PA2G4: variants seen among roughly 807,000 people sequenced by gnomAD.
PA2G4 encodes the protein proliferation-associated 2G4, also known as proliferation-associated protein 2G4.
In PA2G4, 8 loss-of-function variants were observed where a neutral mutation model predicts 53.3. The ratio of observed to expected loss-of-function variants is 0.15; its 90% CI spans 0.09 to 0.27. The LOEUF (loss-of-function observed/expected upper bound fraction) is 0.27, where lower values mean the gene tolerates loss of function less well. Ranked by LOEUF, PA2G4 falls within the 10% of genes least tolerant of loss-of-function variation. PA2G4 has a pLI of 1.00. For synonymous variants in PA2G4, 143 were observed against 169.8 expected (o/e 0.84, Z 1.23); for missense variants, 208 against 486.8 (o/e 0.43, Z 5.39).
At position 56,107,238 on chromosome 12, in the gene PA2G4, T is replaced by C. The variant is rs754128407; in HGVS notation, c.375T>C (p.Phe125=). ...DGFIANVAHT[F]VVDVAQGTQV... ...TCATCGCTAATGTAGCTCACACTTT[T>C]GTGGTTGATGTAGCTCAGGTAGGTG... is the stretch of plus-strand genomic sequence containing the variant. The change falls in exon 4 of 13, where the codon TTT becomes TTC. Residue 125 remains phenylalanine (F), a synonymous_variant. Transcript: ENST00000303305. 9.9e-6 allele frequency: 16 copies of C among 1,613,042 alleles called. No individual in the cohort carries two copies. The Admixed American group carries it at 1.3e-4, about 13-fold the overall frequency.
chr12:56,107,195 G>C lies in PA2G4; in HGVS notation c.332G>C (p.Gly111Ala). 1 of 1,613,682 alleles carries C rather than the reference G, an allele frequency of 6.2e-7. No homozygotes were observed. The highest frequency in any genetic ancestry group is 8.5e-7 in the Non-Finnish European group (1 of 1,179,692). The change falls in exon 4 of 13, where the codon GGG (glycine) becomes GCG (alanine). Residue 111 changes from glycine (G) to alanine (A), a missense_variant. Coordinates refer to ENST00000303305, the MANE Select transcript of PA2G4 (RefSeq NM_006191.3). ...CTGATCTTGCCTTTCAGTGACCTTG[G>C]GGTCCATGTGGATGGCTTCATCGCT... The part of the protein sequence containing the change: ...KEGDLVKIDL[G>A]VHVDGFIANV...
chr12:56,112,078 C>T (rs983591771), intron 12 of PA2G4, among the ~76,000 whole-genome samples: 7 of 152,118 alleles, frequency 4.6e-5, no homozygotes, highest in Admixed American at 1.3e-4. Flanking sequence ...CGCACCATTG[C>T]GCTCCGGCCT....
rs1565864902 is a variant in PA2G4, at chr12:56,110,707, T to C, written c.842+15T>C. The C allele has an allele frequency of 1.9e-6, 3 of 1,613,836 alleles. No homozygotes were observed. Among genetic ancestry groups the C allele is most frequent in the Non-Finnish European group, 1.7e-6 (2 of 1,179,834 alleles). On this transcript the variant is annotated intron_variant, in intron 9 of 12. Transcript: ENST00000303305. ...TTTACTTTAAGGTACTAAGCAATGATAGTACTTGGAACCAGTCTGACTCAC... is the reference window on the plus strand; with the variant it reads ...TTTACTTTAAGGTACTAAGCAATGACAGTACTTGGAACCAGTCTGACTCAC...
intron 7 of PA2G4, among the ~76,000 whole-genome samples, 165 bp downstream of exon 7, chr12:56,110,100 T>C (rs1384586911): frequency 1.3e-5 from 2 of 152,224 alleles, no homozygotes; most frequent in African/African-American, 2.4e-5. Flanking sequence ...GGCTCACGCC[T>C]GTAATCCCAG....
intron 1 of PA2G4, chr12:56,105,192 C>T (rs1869271744): frequency 6.1e-6 from 3 of 493,578 alleles, no homozygotes; most frequent in African/African-American, 1.9e-5. Flanking sequence ...AAGGAAGCGC[C>T]CAGCTATTGG....
chr12:56,109,556 G>T (rs1869374635), intron 6 of PA2G4, among the ~76,000 whole-genome samples: 1 of 148,664 alleles, frequency 6.7e-6, no homozygotes. Flanking sequence ...GGAGGAGGAG[G>T]TTGCAGTGAG....
intron 12 of PA2G4, among the ~76,000 whole-genome samples, chr12:56,111,812 C>T (rs2061598213): frequency 6.6e-6 from 1 of 150,940 alleles, no homozygotes; most frequent in Non-Finnish European, 1.5e-5. Context: ...GCATGAGCTG[C>T]CATGCCCAGC....
intron 12 of PA2G4, 136 bp from the exon 13 acceptor site, chr12:56,112,687 G>T: frequency 1.6e-6 from 1 of 630,114 alleles, no homozygotes; most frequent in Non-Finnish European, 2.7e-6. Context: ...GCCCAGGGAA[G>T]TGGTACCACT....
chr12:56,112,452 C>T (rs1200348098), intron 12 of PA2G4, among the ~76,000 whole-genome samples: 1 of 152,150 alleles, frequency 6.6e-6, no homozygotes, highest in Non-Finnish European at 1.5e-5. Flanking sequence ...TCAGCTGTGA[C>T]CCAGAGGATT....
intron 5 of PA2G4, 78 bp downstream of exon 5, chr12:56,107,691 T>C: frequency 3.3e-6 from 3 of 918,556 alleles, no homozygotes; most frequent in Non-Finnish European, 5.4e-6. Context: ...TATATGAAAC[T>C]ACCAACCTCC....
Position 56,110,395 on chromosome 12 carries a change from T to G in PA2G4, c.630-4T>G. ...AAAAATTCCTTTCTCTCTATTCCTT[T>G]TAGGAAGGACCATGAAAAAGCTGAA... On this transcript the variant is annotated splice_region_variant and splice_polypyrimidine_tract_variant and intron_variant, in intron 7 of 12. Transcript: ENST00000303305. 1.9e-6 allele frequency: 3 copies of G among 1,581,558 alleles called. No homozygotes were observed. Among genetic ancestry groups the G allele is most frequent in the Non-Finnish European group, 2.6e-6 (3 of 1,150,478 alleles).
At chr12:56,110,529 G>C (rs200499981) in intron 8 of PA2G4, 30 bp from the exon 9 acceptor site, 11 of 1,613,980 alleles carry the variant, frequency 6.8e-6, no homozygotes, top group Non-Finnish European at 9.3e-6. Flanking sequence ...GTGTTCACCA[G>C]ACCAAATGTT....
At chr12:56,107,700 C>T in intron 5 of PA2G4, 87 bp downstream of exon 5, 1 of 776,678 alleles carries the variant, frequency 1.3e-6, no homozygotes, top group Non-Finnish European at 2.2e-6. Flanking sequence ...CTACCAACCT[C>T]CCCTACAGAC....
Position 56,104,609 on chromosome 12 carries a change from C to A in PA2G4, c.-129C>A. 1 of 938,630 alleles carries A rather than the reference C, an allele frequency of 1.1e-6. No homozygotes were observed. Among genetic ancestry groups the A allele is most frequent in the Non-Finnish European group, 1.8e-6 (1 of 564,358 alleles). The allele number at this position is 938,630 out of a possible 1,614,324, so 58.1% of individuals were successfully genotyped here. On this transcript the variant is annotated 5_prime_UTR_variant, in exon 1 of 13. Coordinates refer to ENST00000303305, the MANE Select transcript of PA2G4 (RefSeq NM_006191.3). ...TCTCGCCTGCCTGCCCGCTCCCTTG[C>A]TTGCTCGCGCTTTCGCTCGCCCTCT... is the stretch of plus-strand genomic sequence containing the variant.
In PA2G4 at chr12:56,104,682, A is replaced by T; in HGVS notation, c.-56A>T. 6.8e-7 allele frequency: 1 copy of T among 1,469,202 alleles called. No homozygotes were observed. Among genetic ancestry groups the T allele is most frequent in the Non-Finnish European group, 9.5e-7 (1 of 1,048,104 alleles). 91.0% of individuals were successfully genotyped at this position (1,469,202 alleles called of 1,614,324 possible). A position where few individuals can be genotyped will look rare whatever the true frequency, so the allele number is the denominator to read the frequency against. Reference sequence around the variant, plus strand: ...GACCACAGCCTGTGGCTGGGAAGGGAGACAGAGGCGGCGGCGGCTCAGGGG... The same window carrying T: ...GACCACAGCCTGTGGCTGGGAAGGGTGACAGAGGCGGCGGCGGCTCAGGGG... On this transcript the variant is annotated 5_prime_UTR_variant, in exon 1 of 13. Transcript: ENST00000303305.
chr12:56,111,594 T>C (rs1341033739), intron 12 of PA2G4, 65 bp downstream of exon 12: 12 of 1,407,686 alleles, frequency 8.5e-6, no homozygotes, highest in Admixed American at 1.7e-5. Context: ...CCCACTGTGT[T>C]AAGTTGTAGT....
At position 56,106,469 on chromosome 12, in the gene PA2G4, C is replaced by T. The variant is rs1869303988; in HGVS notation, c.89-119C>T. ...GAAGGGAATGTTGACCTTTCAGCCT[C>T]AGGGCAATGGCACCAGGGAGTATTA... On this transcript the variant is annotated intron_variant, in intron 1 of 12. Coordinates refer to ENST00000303305, the MANE Select transcript of PA2G4 (RefSeq NM_006191.3). 1.0e-5 allele frequency: 12 copies of T among 1,150,686 alleles called. No individual in the cohort carries two copies. In the East Asian group the frequency reaches 3.3e-4, roughly 32 times the overall value. The allele number at this position is 1,150,686 out of a possible 1,614,324, so 71.3% of individuals were successfully genotyped here.
chr12:56,107,012 T>A lies in PA2G4; in HGVS notation c.240T>A (p.Ile80=), dbSNP rs1869316120. Residue 80 remains isoleucine (I), a synonymous_variant, in exon 3 of 13, where the codon ATT becomes ATA. Coordinates refer to ENST00000303305, the MANE Select transcript of PA2G4 (RefSeq NM_006191.3). ...MKKGIAFPTS[I]SVNNCVCHFS... is the part of the protein sequence containing the mutation. ...CAGGTATTGCTTTTCCCACCAGCAT[T>A]TCGGTAAATAACTGTGTATGTCACT... 8 of 1,613,320 alleles carry A rather than the reference T, an allele frequency of 5.0e-6. No homozygotes were observed. The highest frequency in any genetic ancestry group is 6.8e-6 in the Non-Finnish European group (8 of 1,179,616).
Position 56,111,483 on chromosome 12 carries a change from T to G in PA2G4, c.1073T>G (p.Leu358Arg). 6.2e-7 allele frequency: 1 copy of G among 1,613,620 alleles called. No homozygotes were observed. Among genetic ancestry groups the G allele is most frequent in the East Asian group, 2.2e-5 (1 of 44,854 alleles). ...EVQDAELKAL[L>R]QSSASRKTQK... ...CTTCTTCCTGTTTTCCAGGCCCTCC[T>G]CCAGAGTTCTGCAAGTCGAAAAACC... Residue 358 changes from leucine (L) to arginine (R), a missense_variant, in exon 12 of 13, where the codon CTC (leucine) becomes CGC (arginine). Leu to Arg is a moderately radical substitution (Grantham distance 102). Coordinates refer to ENST00000303305, the MANE Select transcript of PA2G4 (RefSeq NM_006191.3).
Sources: allele counts gnomAD v4.1 joint callset (sites outside exome capture counted in the v4.1 genomes callset), GRCh38; gene constraint gnomAD v4.1.1; transcripts MANE v1.5; gene names NCBI Gene and HGNC (gene_info 2026-07-23, HGNC 2026-07-21).